AGO3: variants seen among roughly 807,000 people sequenced by gnomAD.
AGO3 encodes the protein protein argonaute-3.
In AGO3, 16 loss-of-function variants were observed where a neutral mutation model predicts 105.5. The observed-to-expected ratio is 0.15, with a 90% confidence interval of 0.10 to 0.23. The LOEUF (loss-of-function observed/expected upper bound fraction) is 0.23. AGO3 is among the 10% of genes least tolerant of loss of function. The probability of loss-of-function intolerance (pLI) is 1.00; values close to 1 mark genes in which losing one functional copy is unlikely to be tolerated. For missense variants in AGO3, 534 were observed against 1,088.0 expected (o/e 0.49, Z 7.16); for synonymous variants, 340 against 367.3 (o/e 0.93, Z 0.85).
chr1:36,016,672 G>C (rs1347184087), intron 11 of AGO3, among the ~76,000 whole-genome samples: 1 of 152,052 alleles, frequency 6.6e-6, no homozygotes, highest in African/African-American at 2.4e-5. Flanking sequence ...ATCCCACTGG[G>C]AAATAGCAGA....
At chr1:36,044,096 A>G (rs1023579705) in intron 17 of AGO3, among the ~76,000 whole-genome samples, 7 of 152,178 alleles carry the variant, frequency 4.6e-5, no homozygotes, top group Non-Finnish European at 1.0e-4. Context: ...TATAATTCCA[A>G]CACTTTGGGA....
chr1:36,037,526 A>C (rs573552480), intron 14 of AGO3, among the ~76,000 whole-genome samples: 2 of 151,586 alleles, frequency 1.3e-5, no homozygotes, highest in Admixed American at 6.6e-5. Flanking sequence ...ATCTCAAAAC[A>C]AAAAAAAAGA....
rs1640442025 is a variant in AGO3, at chr1:36,008,633, G to A, written c.794-57G>A. On this transcript the variant is annotated intron_variant, in intron 6 of 18. Coordinates refer to ENST00000373191, the MANE Select transcript of AGO3 (RefSeq NM_024852.4). This position sits in a 1 kb window ranked among gnomAD's most constrained non-coding sequence, Gnocchi z 5.1. The stretch of plus-strand genomic sequence containing the variant: ...TTATGGTAATGAACAGGCTTTATAA[G>A]TATAAATATTTTACATGTGACAGTT... The A allele has an allele frequency of 2.6e-6, 4 of 1,530,694 alleles. No individual in the cohort carries two copies. The highest frequency in any genetic ancestry group is 1.1e-5 in the South Asian group (1 of 87,506). 94.8% of individuals were successfully genotyped at this position (1,530,694 alleles called of 1,614,324 possible). A position where few individuals can be genotyped will look rare whatever the true frequency, so the allele number is the denominator to read the frequency against.
chr1:35,981,488 G>A (rs1647052615), intron 5 of AGO3, among the ~76,000 whole-genome samples: 1 of 152,168 alleles, frequency 6.6e-6, no homozygotes, highest in African/African-American at 2.4e-5. Flanking sequence ...TACCAGCCAT[G>A]AGTTCCCCAG....
At chr1:35,944,985 G>A (rs1646334526) in intron 1 of AGO3, among the ~76,000 whole-genome samples, 1 of 151,860 alleles carries the variant, frequency 6.6e-6, no homozygotes, top group African/African-American at 2.4e-5. Context: ...TGTATTTTTG[G>A]TAGAGATGGG....
intron 5 of AGO3, among the ~76,000 whole-genome samples, chr1:36,003,562 T>A (rs958841897): frequency 7.9e-5 from 12 of 151,182 alleles, no homozygotes; most frequent in African/African-American, 2.7e-4. Context: ...GACGTGGTGG[T>A]GCATGCCTGT....
chr1:36,032,449 A>G lies in AGO3; in HGVS notation c.1592-1725A>G, dbSNP rs577545870. Among the ~76,000 whole-genome samples, 16 of 152,150 alleles carry G rather than the reference A, an allele frequency of 1.1e-4. No homozygotes were observed. In the South Asian group the frequency reaches 3.1e-3, roughly 30 times the overall value. On this transcript the variant is annotated intron_variant, in intron 12 of 18. Transcript: ENST00000373191. ...CAGACTGGAGTGCAATGACACGATC[A>G]TAGTTCACTGCAGCCTCCATCTCCT...
chr1:36,009,089 C>CATTTTTTTTTTTTT, intron 8 of AGO3, 45 bp downstream of exon 8: 1 of 1,474,652 alleles, frequency 6.8e-7, no homozygotes, highest in East Asian at 4.1e-5. Context: ...GTTCATGATT[C>CATTTTTTTTTTTTT]TTTTGGGGTC....
intron 5 of AGO3, among the ~76,000 whole-genome samples, chr1:35,997,451 T>A (rs1202984932): frequency 6.6e-6 from 1 of 152,154 alleles, no homozygotes; most frequent in African/African-American, 2.4e-5. Context: ...CAAAATGTTG[T>A]GCAGCAGCAG....
Position 36,065,768 on chromosome 1 carries a change from G to C in AGO3, c.*10023G>C, listed in dbSNP as rs897478972. On this transcript the variant is annotated 3_prime_UTR_variant, in exon 19 of 19. Coordinates refer to ENST00000373191, the MANE Select transcript of AGO3 (RefSeq NM_024852.4). ...ATCAGTACAGCTTGACCGCAGTGAA[G>C]TACTTGATGGCTTGTTCATGTTTAG... 1 of 152,280 alleles carries C rather than the reference G, an allele frequency of 6.6e-6. No individual in the cohort carries two copies. The highest frequency in any genetic ancestry group is 1.5e-5 in the Non-Finnish European group (1 of 68,126). 9.4% of individuals were successfully genotyped at this position (152,280 alleles called of 1,614,324 possible). A position where few individuals can be genotyped will look rare whatever the true frequency, so the allele number is the denominator to read the frequency against.
chr1:36,052,819 C>A (rs1175971275), intron 17 of AGO3, among the ~76,000 whole-genome samples: 1 of 152,020 alleles, frequency 6.6e-6, no homozygotes, highest in South Asian at 2.1e-4. Context: ...GGAGACCAGT[C>A]TGGGCAACAT....
At chr1:36,010,087 T>C (rs1045558897) in intron 9 of AGO3, among the ~76,000 whole-genome samples, 19 of 151,900 alleles carry the variant, frequency 1.3e-4, no homozygotes, top group East Asian at 3.9e-4. Flanking sequence ...TACAGGCGCA[T>C]GCCACCACGC....
intron 5 of AGO3, among the ~76,000 whole-genome samples, chr1:36,001,002 G>A (rs909829540): frequency 2.6e-5 from 4 of 152,136 alleles, no homozygotes; most frequent in Non-Finnish European, 5.9e-5. Flanking sequence ...TTGGGAGGCC[G>A]AGGCGGGTGG....
In AGO3 at chr1:36,070,549, T is replaced by TA. The variant is rs959765833; in HGVS notation, c.*14811dup. The TA allele has an allele frequency of 6.6e-6, 1 of 151,990 alleles. No homozygotes were observed. Among genetic ancestry groups the TA allele is most frequent in the African/African-American group, 2.4e-5 (1 of 41,358 alleles). The allele number at this position is 151,990 out of a possible 1,614,324, so 9.4% of individuals were successfully genotyped here. A position where few individuals can be genotyped will look rare whatever the true frequency, so the allele number is the denominator to read the frequency against. On this transcript the variant is annotated 3_prime_UTR_variant, in exon 19 of 19. Transcript: ENST00000373191. ...TTGTTGCAACAGACAAGATTTTTTT[T>TA]AAAAAAAGAAAAAAGGATGCATTTT...
Position 36,013,691 on chromosome 1 carries a change from A to T in AGO3, c.1211A>T (p.Asp404Val), listed in dbSNP as rs1557685441. ...CAGGAGTTTCAATTTAAAGTTCGGG[A>T]TGAAATGGCTCATGTAACTGGACGC... ...FVQEFQFKVR[D>V]EMAHVTGRVL... The change falls in exon 10 of 19, where the codon GAT (aspartate) becomes GTT (valine). Residue 404 changes from aspartate (D) to valine (V), a missense_variant. Transcript: ENST00000373191. 1 of 1,614,214 alleles carries T rather than the reference A, an allele frequency of 6.2e-7. No individual in the cohort carries two copies. Among genetic ancestry groups the T allele is most frequent in the Non-Finnish European group, 8.5e-7 (1 of 1,180,048 alleles).
At chr1:36,030,318 A>G (rs1207269032) in intron 12 of AGO3, among the ~76,000 whole-genome samples, 1 of 152,018 alleles carries the variant, frequency 6.6e-6, no homozygotes, top group Non-Finnish European at 1.5e-5. Flanking sequence ...TCTGAGCAAC[A>G]TGGCGAAACC....
chr1:36,000,132 A>G (rs980926957), intron 5 of AGO3, among the ~76,000 whole-genome samples: 1 of 152,264 alleles, frequency 6.6e-6, no homozygotes, highest in South Asian at 2.1e-4. Flanking sequence ...TTTTATTGAT[A>G]GATTTTTAAA....
chr1:36,055,963 T>C lies in AGO3; in HGVS notation c.*218T>C. 1 of 478,148 alleles carries C rather than the reference T, an allele frequency of 2.1e-6. No individual in the cohort carries two copies. 29.6% of individuals were successfully genotyped at this position (478,148 alleles called of 1,614,324 possible). On this transcript the variant is annotated 3_prime_UTR_variant, in exon 19 of 19. Coordinates refer to ENST00000373191, the MANE Select transcript of AGO3 (RefSeq NM_024852.4). This position sits in a 1 kb window ranked among gnomAD's most constrained non-coding sequence, Gnocchi z 4.4. ...GCAATATGAAACCAGCCAACTGCTTTTTGTGCGGTCTCCTATAGGAAGTAT... is the reference window on the plus strand; with the variant it reads ...GCAATATGAAACCAGCCAACTGCTTCTTGTGCGGTCTCCTATAGGAAGTAT...
At chr1:35,960,565 T>A (rs1441934171) in intron 2 of AGO3, among the ~76,000 whole-genome samples, 1 of 152,040 alleles carries the variant, frequency 6.6e-6, no homozygotes, top group East Asian at 1.9e-4. Context: ...CTCAACACTC[T>A]GGGAGGCTGA....
Sources: allele counts gnomAD v4.1 joint callset (sites outside exome capture counted in the v4.1 genomes callset), GRCh38; gene constraint gnomAD v4.1.1; non-coding constraint Gnocchi (gnomAD v3.1); transcripts MANE v1.5; gene names NCBI Gene and HGNC (gene_info 2026-07-23, HGNC 2026-07-21).